BAZ1A: variants seen among roughly 807,000 people sequenced by gnomAD.
The protein encoded by BAZ1A is bromodomain adjacent to zinc finger domain 1A, also known as bromodomain adjacent to zinc finger domain protein 1A.
Under a neutral mutation model 185.2 loss-of-function variants are expected in BAZ1A, and 50 were observed. That is an observed-to-expected ratio of 0.27 (90% CI 0.22 to 0.34). The LOEUF is 0.34. Among genes scored for constraint, BAZ1A ranks in the 10% least tolerant of loss-of-function variants. The probability of loss-of-function intolerance (pLI) is 1.00; values close to 1 mark genes in which losing one functional copy is unlikely to be tolerated. For missense variants in BAZ1A, 1,356 were observed against 1,839.9 expected, an observed-to-expected ratio of 0.74 and a Z score of 4.81; for synonymous variants, 571 against 615.6, an observed-to-expected ratio of 0.93 and a Z score of 1.07.
chr14:34,773,264 AAAG>A (rs1344000168), intron 20 of BAZ1A, among the ~76,000 whole-genome samples: 1 of 152,174 alleles, frequency 6.6e-6, no homozygotes, highest in Non-Finnish European at 1.5e-5. Flanking sequence ...TTCCTATAGA[AAAG>A]AAGAATAATA....
chr14:34,851,233 T>G (rs573905143), intron 3 of BAZ1A, among the ~76,000 whole-genome samples: 1 of 148,310 alleles, frequency 6.7e-6, no homozygotes, highest in Non-Finnish European at 1.5e-5. Context: ...CTTAGGAGGC[T>G]GAGGCACAAT....
intron 9 of BAZ1A, among the ~76,000 whole-genome samples, chr14:34,798,500 G>A (rs1393246778): frequency 6.6e-6 from 1 of 152,310 alleles, no homozygotes; most frequent in East Asian, 1.9e-4. Flanking sequence ...GCAGCAATAT[G>A]TGCTGTTCTG....
At chr14:34,790,271 C>T (rs1002875182) in intron 12 of BAZ1A, among the ~76,000 whole-genome samples, 8 of 151,766 alleles carry the variant, frequency 5.3e-5, no homozygotes, top group African/African-American at 1.9e-4. Context: ...CAGGGTCAAA[C>T]AATCCTCCCA....
chr14:34,867,412 CTGAGGTAT>C (rs2042878189), intron 2 of BAZ1A, among the ~76,000 whole-genome samples: 1 of 152,170 alleles, frequency 6.6e-6, no homozygotes, highest in Non-Finnish European at 1.5e-5. Context: ...AGCTAAGTGC[CTGAGGTAT>C]TGAGTAGGTC....
chr14:34,855,563 T>C (rs1267560913), intron 3 of BAZ1A, among the ~76,000 whole-genome samples: 2 of 152,312 alleles, frequency 1.3e-5, no homozygotes, highest in South Asian at 2.1e-4. Flanking sequence ...TTATTGTATT[T>C]TTATTCTTTA....
chr14:34,766,085 G>T (rs936886295), intron 21 of BAZ1A, among the ~76,000 whole-genome samples: 5 of 152,176 alleles, frequency 3.3e-5, no homozygotes, highest in African/African-American at 1.2e-4. Context: ...CTGCTCTGAG[G>T]TGAGTACTGG....
intron 20 of BAZ1A, 44 bp downstream of exon 20, chr14:34,773,528 T>G: frequency 1.4e-6 from 2 of 1,430,876 alleles, no homozygotes; most frequent in Admixed American, 2.5e-5. Context: ...AACCTTAAAA[T>G]GGCAAGGAAA....
In BAZ1A at chr14:34,758,820, T is replaced by G; in HGVS notation, c.4270A>C (p.Arg1424=). 10 of 1,614,158 alleles carry G rather than the reference T, an allele frequency of 6.2e-6. No individual in the cohort carries two copies. The highest frequency in any genetic ancestry group is 8.5e-6 in the Non-Finnish European group (10 of 1,180,014). ...ACTCCTCCCTGTCGGCCAGAACTCC[T>G]TCGACCCAGTGTCACAGGCGATGGC... ...PEPSPVTLGR[R]SSGRQGGVHE... The change falls in exon 25 of 27, where the codon AGG becomes CGG. Residue 1424 remains arginine, a synonymous_variant. Coordinates refer to ENST00000360310, the MANE Select transcript of BAZ1A (RefSeq NM_013448.3).
chr14:34,769,706 G>A (rs1879083017), intron 21 of BAZ1A, among the ~76,000 whole-genome samples: 1 of 152,150 alleles, frequency 6.6e-6, no homozygotes. Context: ...TGGAATCACA[G>A]TGTTAGTAGT....
intron 23 of BAZ1A, among the ~76,000 whole-genome samples, chr14:34,764,051 T>C (rs1427831682): frequency 6.6e-6 from 1 of 152,144 alleles, no homozygotes; most frequent in African/African-American, 2.4e-5. Flanking sequence ...GGCTCCACAC[T>C]CATTCGCTAG....
In BAZ1A at chr14:34,874,850, C is replaced by T. The variant is rs374790852; in HGVS notation, c.-58-188G>A. The stretch of plus-strand genomic sequence containing the variant: ...GCGAGCGGAGCCGCCGCCGCCCCTG[C>T]CCCCCGAGCGCGCCCTACCTCCTCT... On this transcript the variant is annotated intron_variant, in intron 1 of 26. Coordinates refer to ENST00000360310, the MANE Select transcript of BAZ1A (RefSeq NM_013448.3). This position sits in a 1 kb window ranked among gnomAD's most constrained non-coding sequence, Gnocchi z 4.7. 8 of 409,884 alleles carry T rather than the reference C, an allele frequency of 2.0e-5. No individual in the cohort carries two copies. The South Asian group carries it at 2.7e-4, about 14-fold the overall frequency. The allele number at this position is 409,884 out of a possible 1,614,324, so 25.4% of individuals were successfully genotyped here.
At chr14:34,764,418 G>A (rs369044261) in intron 23 of BAZ1A, among the ~76,000 whole-genome samples, 6 of 146,888 alleles carry the variant, frequency 4.1e-5, no homozygotes, top group African/African-American at 7.6e-5. Context: ...TCAGCCTCCC[G>A]AGTAGCTGGG....
chr14:34,770,936 G>A (rs370800659), intron 21 of BAZ1A, among the ~76,000 whole-genome samples: 10 of 149,350 alleles, frequency 6.7e-5, no homozygotes, highest in African/African-American at 4.9e-5. Flanking sequence ...TCAAATAACA[G>A]AAAAAAAAAA....
chr14:34,785,704 C>T, intron 14 of BAZ1A, 73 bp downstream of exon 14: 1 of 1,295,880 alleles, frequency 7.7e-7, no homozygotes, highest in Non-Finnish European at 1.1e-6. Context: ...AATTTCTCAT[C>T]AGCTCCTTAG....
rs144613539 is a variant in BAZ1A at position 34,816,194 on chromosome 14, T to A, written c.537-5158A>T. On this transcript the variant is annotated intron_variant, in intron 4 of 26. Transcript: ENST00000360310. ...CCTTCGACTCCTGGGTTCAAGTGAT[T>A]CTCCTGCCTCAGCCTCCCAAGTAGC... 4.0e-3 allele frequency among the ~76,000 whole-genome samples: 611 copies of A among 151,274 alleles called. 8 individuals are homozygous for A. The highest frequency in any genetic ancestry group is 0.014 in the African/African-American group (574 of 41,124).
intron 24 of BAZ1A, 111 bp downstream of exon 24, chr14:34,761,646 T>C: frequency 1.1e-6 from 1 of 934,600 alleles, no homozygotes; most frequent in Non-Finnish European, 1.6e-6. Flanking sequence ...CCCTAATAAC[T>C]TTGTGTATCT....
intron 11 of BAZ1A, among the ~76,000 whole-genome samples, chr14:34,793,826 G>C (rs1222167930): frequency 6.6e-6 from 1 of 152,102 alleles, no homozygotes; most frequent in Admixed American, 6.6e-5. Context: ...GCCTGTAATT[G>C]CAGCTACTTG....
At position 34,839,887 on chromosome 14, in the gene BAZ1A, T is replaced by G. The variant is rs1041619561; in HGVS notation, c.393-13731A>C. ...AAATGAGCATTTCCTAGTTTTAAAA[T>G]TAATTTTTTAAAAAAGAAAAGAACA... On this transcript the variant is annotated intron_variant, in intron 3 of 26. Coordinates refer to ENST00000360310, the MANE Select transcript of BAZ1A (RefSeq NM_013448.3). Among the ~76,000 whole-genome samples, 43 of 140,416 alleles carry G rather than the reference T, an allele frequency of 3.1e-4. No homozygotes were observed. In the East Asian group the frequency reaches 8.4e-3, roughly 28 times the overall value. 92.1% of individuals were successfully genotyped at this position (140,416 alleles called of 152,430 possible). A position where few individuals can be genotyped will look rare whatever the true frequency, so the allele number is the denominator to read the frequency against.
chr14:34,867,985 T>A (rs1167228475), intron 2 of BAZ1A, among the ~76,000 whole-genome samples: 1 of 152,230 alleles, frequency 6.6e-6, no homozygotes, highest in Admixed American at 6.5e-5. Flanking sequence ...TTTACTACTA[T>A]AAGCAAAAAT....
Sources: gnomAD v4.1 joint callset for allele counts (sites outside exome capture counted in the v4.1 genomes callset) on GRCh38, gnomAD v4.1.1 for gene constraint, Gnocchi (gnomAD v3.1) non-coding constraint, MANE v1.5 for transcripts, NCBI Gene and HGNC (gene_info 2026-07-23, HGNC 2026-07-21) for gene names.